Variants in MAP3K5 observed in about 807,000 individuals in gnomAD.
MAP3K5 encodes the protein mitogen-activated protein kinase kinase kinase 5, also known as ASK-1.
MAP3K5 carries 56 observed loss-of-function variants against 158.7 expected under a neutral mutation model. The ratio of observed to expected loss-of-function variants is 0.35; its 90% CI spans 0.28 to 0.44. The LOEUF (loss-of-function observed/expected upper bound fraction) is 0.44. Ranked by LOEUF, MAP3K5 falls within the 20% of genes least tolerant of loss-of-function variation. The pLI, the probability that MAP3K5 is intolerant of heterozygous loss-of-function variation, is 1.00. For synonymous variants in MAP3K5, 579 were observed against 601.7 expected (o/e 0.96, Z 0.55); for missense variants, 1,294 against 1,674.8 (o/e 0.77, Z 3.97).
intron 1 of MAP3K5, among the ~76,000 whole-genome samples, chr6:136,748,488 T>C (rs1453084454): frequency 6.6e-6 from 1 of 152,176 alleles, no homozygotes; most frequent in African/African-American, 2.4e-5. Context: ...CAAATATGTA[T>C]TTGTTCAGGA....
At position 136,604,769 on chromosome 6, in the gene MAP3K5, T is replaced by C. The variant is rs1317629159; in HGVS notation, c.2679+440A>G. On this transcript the variant is annotated intron_variant, in intron 19 of 29. Transcript: ENST00000359015. ...TTACTTAAAATGGTAATTATGCTCT[T>C]TTTTTTTTAAAAAAAATGAAGCCTT... Among the ~76,000 whole-genome samples, 3 of 6,404 alleles carry C rather than the reference T, an allele frequency of 4.7e-4. No homozygotes were observed. In the African/African-American group the frequency reaches 0.014, roughly 30 times the overall value. 4.2% of individuals were successfully genotyped at this position (6,404 alleles called of 152,430 possible). A position where few individuals can be genotyped will look rare whatever the true frequency, so the allele number is the denominator to read the frequency against.
At position 136,557,658 on chromosome 6, in the gene MAP3K5, T is replaced by G. The variant is rs2129066709; in HGVS notation, c.*100A>C. On this transcript the variant is annotated 3_prime_UTR_variant, in exon 30 of 30. Transcript: ENST00000359015. ...GAGTAAACAAATACTGGATTTAAAG[T>G]GCAGCGCCTTTCTCCTCTCCCTTCG... is the stretch of plus-strand genomic sequence containing the variant. 2 of 764,544 alleles carry G rather than the reference T, an allele frequency of 2.6e-6. No individual in the cohort carries two copies. Among genetic ancestry groups the G allele is most frequent in the East Asian group, 5.3e-5 (2 of 37,694 alleles). 47.4% of individuals were successfully genotyped at this position (764,544 alleles called of 1,614,324 possible).
intron 23 of MAP3K5, among the ~76,000 whole-genome samples, chr6:136,585,496 T>TCTTTCTTTCTTTCTTTCTTTCTTTCTTG (rs1296916294): frequency 6.8e-6 from 1 of 147,914 alleles, no homozygotes; most frequent in Non-Finnish European, 1.5e-5. Flanking sequence ...TTTATTTATT[T>TCTTTCTTTCTTTCTTTCTTTCTTTCTTG]ATTTATTTAT....
rs768528902 is a variant in MAP3K5, at chr6:136,694,089, T to G, written c.1253+51A>C. 24 of 1,456,842 alleles carry G rather than the reference T, an allele frequency of 1.6e-5. No homozygotes were observed. The Middle Eastern group carries it at 1.4e-3, about 87-fold the overall frequency. The allele number at this position is 1,456,842 out of a possible 1,614,324, so 90.2% of individuals were successfully genotyped here. A position where few individuals can be genotyped will look rare whatever the true frequency, so the allele number is the denominator to read the frequency against. ...ACACTCTCATTTGCAAATACTTTTTTATGCCATGGATTTACTAAGTAAGTA... is the reference window on the plus strand; with the variant it reads ...ACACTCTCATTTGCAAATACTTTTTGATGCCATGGATTTACTAAGTAAGTA... On this transcript the variant is annotated intron_variant, in intron 7 of 29. Coordinates refer to ENST00000359015, the MANE Select transcript of MAP3K5 (RefSeq NM_005923.4).
intron 7 of MAP3K5, among the ~76,000 whole-genome samples, chr6:136,682,090 G>A (rs539345243): frequency 1.3e-5 from 2 of 152,294 alleles, no homozygotes; most frequent in South Asian, 4.1e-4. Flanking sequence ...TTTTACCCAA[G>A]TTCCTAGGTC....
At chr6:136,651,763 AT>A (rs1157165194) in intron 10 of MAP3K5, among the ~76,000 whole-genome samples, 1 of 152,192 alleles carries the variant, frequency 6.6e-6, no homozygotes, top group Non-Finnish European at 1.5e-5. Flanking sequence ...TATAAGGGGT[AT>A]GTGATAAATG....
chr6:136,650,437 CG>C (rs1382764551), intron 11 of MAP3K5, among the ~76,000 whole-genome samples: 1 of 152,154 alleles, frequency 6.6e-6, no homozygotes, highest in Non-Finnish European at 1.5e-5. Context: ...CTGCTATGAG[CG>C]GAAGTGAGAC....
In MAP3K5 at chr6:136,611,379, A is replaced by G. The variant is rs751913450; in HGVS notation, c.2424T>C (p.Asn808=). The G allele has an allele frequency of 6.3e-7, 1 of 1,586,992 alleles. No individual in the cohort carries two copies. Among genetic ancestry groups the G allele is most frequent in the Admixed American group, 1.7e-5 (1 of 59,906 alleles). ...QIVHRDIKGD[N]VLINTYSGVL... ...CACCACTGTAGGTATTAATCAACAC[A>G]TTGTCACCCTAGAGAACAGAGGACT... Residue 808 remains asparagine (N), a synonymous_variant, in exon 18 of 30, where the codon AAT becomes AAC. Coordinates refer to ENST00000359015, the MANE Select transcript of MAP3K5 (RefSeq NM_005923.4).
intron 18 of MAP3K5, among the ~76,000 whole-genome samples, chr6:136,610,973 T>C (rs1018089302): frequency 2.0e-5 from 3 of 151,184 alleles, no homozygotes; most frequent in African/African-American, 7.3e-5. Flanking sequence ...CTGGGCGTGG[T>C]GGCGCATGCC....
chr6:136,710,355 C>T (rs180679907), intron 2 of MAP3K5, among the ~76,000 whole-genome samples: 180 of 152,296 alleles, frequency 1.2e-3, no homozygotes, highest in Non-Finnish European at 2.2e-3. Flanking sequence ...TGCATTACCC[C>T]ACTACAACTC....
At chr6:136,667,823 G>T (rs1312814618) in intron 8 of MAP3K5, among the ~76,000 whole-genome samples, 3 of 151,382 alleles carry the variant, frequency 2.0e-5, no homozygotes, top group African/African-American at 7.3e-5. Context: ...TGTGCCCTGA[G>T]CAGCAGAGTG....
At chr6:136,742,617 A>C (rs1782759326) in intron 1 of MAP3K5, among the ~76,000 whole-genome samples, 1 of 152,154 alleles carries the variant, frequency 6.6e-6, no homozygotes, top group South Asian at 2.1e-4. Context: ...ATACAATATC[A>C]AAGGCATAAT....
At chr6:136,775,836 A>G (rs148363206) in intron 1 of MAP3K5, among the ~76,000 whole-genome samples, 293 of 152,364 alleles carry the variant, frequency 1.9e-3, no homozygotes, top group Non-Finnish European at 3.2e-3. Flanking sequence ...TGTGTGTACA[A>G]TGCATTCCCT....
At chr6:136,618,674 A>G (rs1583282289) in intron 15 of MAP3K5, among the ~76,000 whole-genome samples, 2 of 152,242 alleles carry the variant, frequency 1.3e-5, no homozygotes, top group East Asian at 3.8e-4. Context: ...TATGCTCCTT[A>G]AGAACACATA....
chr6:136,602,063 C>G (rs1294903371), intron 19 of MAP3K5, 84 bp from the exon 20 acceptor site: 3 of 1,037,644 alleles, frequency 2.9e-6, no homozygotes, highest in Non-Finnish European at 2.9e-6. Flanking sequence ...ACTTGACCCC[C>G]CAATGCAACA....
intron 14 of MAP3K5, among the ~76,000 whole-genome samples, chr6:136,624,884 G>A (rs1423819246): frequency 6.6e-5 from 10 of 152,222 alleles, no homozygotes. Context: ...TACCAAGACA[G>A]TAGAAGAGAG....
chr6:136,691,655 T>C (rs1254475517), intron 7 of MAP3K5, among the ~76,000 whole-genome samples: 2 of 152,088 alleles, frequency 1.3e-5, no homozygotes, highest in Admixed American at 6.6e-5. Flanking sequence ...CCACAGGTCA[T>C]TGGAATTATT....
At chr6:136,689,903 T>C (rs1224793152) in intron 7 of MAP3K5, among the ~76,000 whole-genome samples, 1 of 152,088 alleles carries the variant, frequency 6.6e-6, no homozygotes, top group Non-Finnish European at 1.5e-5. Context: ...AAGCTAAGAT[T>C]TCTGTTTCAA....
chr6:136,645,850 A>C lies in MAP3K5; in HGVS notation c.1789-3281T>G, dbSNP rs545517317. 3.9e-5 allele frequency among the ~76,000 whole-genome samples: 6 copies of C among 152,332 alleles called. No homozygotes were observed. The East Asian group carries it at 1.2e-3, about 29-fold the overall frequency. ...TAAAAATAGTGAGAGGAGTGACTAA[A>C]GAAATAAACATGATAAATGAAAAGC... On this transcript the variant is annotated intron_variant, in intron 11 of 29. Transcript: ENST00000359015.
Sources: gnomAD v4.1 joint callset for allele counts (sites outside exome capture counted in the v4.1 genomes callset) on GRCh38, gnomAD v4.1.1 for gene constraint, MANE v1.5 for transcripts, NCBI Gene and HGNC (gene_info 2026-07-23, HGNC 2026-07-21) for gene names.